ASB15: variants seen among roughly 807,000 people sequenced by gnomAD.
The protein encoded by ASB15 is ankyrin repeat and SOCS box protein 15.
In ASB15, 54 loss-of-function variants were observed where a neutral mutation model predicts 58.0. The observed-to-expected ratio is 0.93, with a 90% CI of 0.75 to 1.17. The LOEUF (loss-of-function observed/expected upper bound fraction) is 1.17. Ranked by LOEUF, ASB15 falls within the 50% of genes most tolerant of loss-of-function variation. The pLI is 0.00. For synonymous variants in ASB15, 249 were observed against 262.4 expected (o/e 0.95, Z 0.50); for missense variants, 680 against 707.4 (o/e 0.96, Z 0.44).
intron 8 of ASB15, among the ~76,000 whole-genome samples, chr7:123,625,302 C>T (rs1256787099): frequency 1.3e-5 from 2 of 152,142 alleles, no homozygotes; most frequent in African/African-American, 4.8e-5. Context: ...CTCAATTCTC[C>T]CTGGACCAGT....
chr7:123,626,792 C>G (rs899815161), intron 8 of ASB15, among the ~76,000 whole-genome samples: 4 of 152,152 alleles, frequency 2.6e-5, no homozygotes, highest in African/African-American at 4.8e-5. Flanking sequence ...TTCTGGAGTG[C>G]AGTGGAGTGA....
chr7:123,589,566 C>T lies in ASB15; in HGVS notation c.-442-14466C>T, dbSNP rs539168832. ...ACTCTCACTTATGAGTGAGAATATG[C>T]TGTGTTTGGTTTTATGTCCTTGTGA... On this transcript the variant is annotated intron_variant, in intron 1 of 13. Transcript: ENST00000451558. 2.0e-5 allele frequency among the ~76,000 whole-genome samples: 3 copies of T among 152,058 alleles called. No individual in the cohort carries two copies. The East Asian group carries it at 5.8e-4, about 29-fold the overall frequency.
upstream of ASB15, among the ~76,000 whole-genome samples, chr7:123,600,540 G>C (rs1038015664): frequency 2.6e-5 from 4 of 152,126 alleles, no homozygotes; most frequent in African/African-American, 9.7e-5. Flanking sequence ...GTTTCACAAT[G>C]CTGATTGCTT....
Position 123,573,101 on chromosome 7 carries a change from G to A in ASB15, c.-443+6013G>A, listed in dbSNP as rs143087948. Among the ~76,000 whole-genome samples, 39 of 151,950 alleles carry A rather than the reference G, an allele frequency of 2.6e-4. No homozygotes were observed. In the East Asian group the frequency reaches 7.4e-3, roughly 29 times the overall value. ...TTAGTATGCTCTAAAAGTACTCCCT[G>A]AAATCACCTCTTCCATGTTCTTTTC... On this transcript the variant is annotated intron_variant, in intron 1 of 13. Transcript: ENST00000451558.
At chr7:123,613,026 G>GTGGA (rs1800560995) in intron 3 of ASB15, among the ~76,000 whole-genome samples, 1 of 151,952 alleles carries the variant, frequency 6.6e-6, no homozygotes, top group South Asian at 2.1e-4. Context: ...AACATGCTTG[G>GTGGA]TGGAGCATGG....
intron 3 of ASB15, among the ~76,000 whole-genome samples, chr7:123,612,795 T>C (rs183105901): frequency 6.6e-6 from 1 of 152,334 alleles, no homozygotes; most frequent in Admixed American, 6.5e-5. Flanking sequence ...AATTCATTTA[T>C]TCAACACATA....
At chr7:123,590,938 ATGTTCTTCCATT>A (rs1414153665) in intron 1 of ASB15, among the ~76,000 whole-genome samples, 1 of 152,108 alleles carries the variant, frequency 6.6e-6, no homozygotes, top group Non-Finnish European at 1.5e-5. Context: ...TGAGTATGGA[ATGTTCTTCCATT>A]TGTTTGTGTC....
chr7:123,592,761 G>C (rs542910578), intron 1 of ASB15, among the ~76,000 whole-genome samples: 1 of 152,292 alleles, frequency 6.6e-6, no homozygotes, highest in African/African-American at 2.4e-5. Flanking sequence ...TGTATATTCT[G>C]TTGATTTGGG....
intron 10 of ASB15, 100 bp from the exon 11 acceptor site, chr7:123,629,866 T>G (rs950205545): frequency 2.8e-5 from 24 of 872,108 alleles, no homozygotes; most frequent in Non-Finnish European, 3.6e-5. Flanking sequence ...GATCTTTTAT[T>G]TTCTGTAGTA....
rs747750225 is a variant in ASB15 at position 123,624,573 on chromosome 7, GA to G, written c.461del (p.Lys154ArgfsTer10). ...TTTTTAACAATCATTTTCAAGCTGT[GA>G]AAAAGGGCTCCTATGACATGGTGTC... ...KGETPLLIAV[K>X]KGSYDMVSTL... On this transcript the variant is annotated frameshift_variant, in exon 8 of 12. Transcript: ENST00000451215. LOFTEE classifies it high-confidence loss of function. 35 of 1,611,784 alleles carry G rather than the reference GA, an allele frequency of 2.2e-5. No homozygotes were observed. Among genetic ancestry groups the G allele is most frequent in the Non-Finnish European group, 3.0e-5 (35 of 1,178,030 alleles).
intron 1 of ASB15, 37 bp downstream of exon 1, chr7:123,601,951 C>A (rs1224668126): frequency 6.6e-6 from 1 of 152,168 alleles, no homozygotes; most frequent in African/African-American, 2.4e-5. Flanking sequence ...ACCTCACCAA[C>A]TAGCTTATTG....
intron 7 of ASB15, chr7:123,622,700 A>G (rs1235323262): frequency 6.6e-6 from 1 of 152,198 alleles, no homozygotes; most frequent in African/African-American, 2.4e-5. Context: ...TCAGAGCAAG[A>G]AGATCCATGA....
intron 3 of ASB15, chr7:123,614,052 C>A (rs116639146): frequency 0.099 from 15,226 of 153,952 alleles, 1,020 homozygotes; most frequent in African/African-American, 0.18. Context: ...TCTCCAAAAA[C>A]AAAAGGAATG....
chr7:123,568,433 T>C (rs1205561027), intron 1 of ASB15, among the ~76,000 whole-genome samples: 1 of 151,650 alleles, frequency 6.6e-6, no homozygotes, highest in East Asian at 1.9e-4. Flanking sequence ...GACAGGAGAA[T>C]TGCTTGAACC....
chr7:123,579,287 A>G (rs574527146), intron 1 of ASB15, among the ~76,000 whole-genome samples: 2 of 151,744 alleles, frequency 1.3e-5, no homozygotes, highest in Non-Finnish European at 2.9e-5. Context: ...CATTTTCTTT[A>G]TAAGTGTAAT....
chr7:123,629,580 G>A, intron 10 of ASB15, 146 bp downstream of exon 10: 1 of 704,076 alleles, frequency 1.4e-6, no homozygotes, highest in Non-Finnish European at 2.3e-6. Flanking sequence ...CAATGATACA[G>A]GGATATAAGC....
intron 8 of ASB15, chr7:123,625,101 A>T: frequency 2.8e-6 from 1 of 356,906 alleles, no homozygotes; most frequent in Non-Finnish European, 5.1e-6. Flanking sequence ...CCTCATGCTC[A>T]TCTTCTCCTT....
chr7:123,570,790 C>T (rs1798889267), intron 1 of ASB15, among the ~76,000 whole-genome samples: 1 of 152,180 alleles, frequency 6.6e-6, no homozygotes, highest in African/African-American at 2.4e-5. Flanking sequence ...TGAGCCCCAT[C>T]CATTTCCCAT....
At position 123,628,909 on chromosome 7, in the gene ASB15, GA is replaced by G; in HGVS notation, c.919del (p.Ser307ValfsTer3). 1 of 1,575,252 alleles carries G rather than the reference GA, an allele frequency of 6.3e-7. No homozygotes were observed. ...IPVTSKNAIRKSGLTPIHSAA... is the reference protein window; with the variant it reads ...IPVTSKNAIRXSGLTPIHSAA... Reference sequence around the variant, plus strand: ...CAGTAACATCTAAAAATGCAATTCGGAAAAGTGGGCTAACACCAATTCACTC... The same window carrying G: ...CAGTAACATCTAAAAATGCAATTCGGAAAGTGGGCTAACACCAATTCACTC... On this transcript the variant is annotated frameshift_variant, in exon 10 of 12. Transcript: ENST00000451215. LOFTEE classifies it high-confidence loss of function.
Sources: gnomAD v4.1 joint callset for allele counts (sites outside exome capture counted in the v4.1 genomes callset) on GRCh38, gnomAD v4.1.1 for gene constraint, MANE v1.5 for transcripts, NCBI Gene and HGNC (gene_info 2026-07-23, HGNC 2026-07-21) for gene names.